Variants in ZNF547 observed in about 807,000 individuals in gnomAD.
ZNF547 encodes the protein zinc finger protein 547.
In ZNF547, 4 loss-of-function variants were observed where a neutral mutation model predicts 7.7. The observed-to-expected ratio is 0.52, with a 90% confidence interval of 0.26 to 1.20. The LOEUF is 1.20. Ranked by LOEUF, ZNF547 falls within the 50% of genes most tolerant of loss-of-function variation. The pLI, the probability that ZNF547 is intolerant of heterozygous loss-of-function variation, is 0.14. For synonymous variants in ZNF547, 166 were observed against 166.2 expected, an observed-to-expected ratio of 1.00 and a Z score of 0.01; for missense variants, 449 against 485.8, an observed-to-expected ratio of 0.92 and a Z score of 0.71.
intron 1 of ZNF547, chr19:57,364,972 G>A (rs767881280): frequency 1.7e-5 from 27 of 1,612,932 alleles, no homozygotes; most frequent in Non-Finnish European, 2.2e-5. Context: ...TGCTGCTCTC[G>A]ACCTCGTAGA....
chr19:57,377,823 C>T lies in ZNF547; in HGVS notation c.847C>T (p.Leu283Phe), dbSNP rs940608483. ...CGKFFKCNSN[L>F]FRHYRIHTGK... ...GAAGTTCTTTAAGTGCAACTCAAAC[C>T]TCTTTAGGCATTACAGAATTCATAC... The change falls in exon 4 of 4, where the codon CTC becomes TTC. Residue 283 changes from leucine to phenylalanine, a missense_variant. By Grantham distance (22) the Leu-to-Phe change is conservative (BLOSUM62 0). Coordinates refer to ENST00000282282, the MANE Select transcript of ZNF547 (RefSeq NM_173631.4). The T allele has an allele frequency of 1.2e-6, 2 of 1,614,136 alleles. No homozygotes were observed. Among genetic ancestry groups the T allele is most frequent in the Non-Finnish European group, 1.7e-6 (2 of 1,180,030 alleles).
At chr19:57,367,009 C>T (rs151244116) in intron 1 of ZNF547, among the ~76,000 whole-genome samples, 1 of 152,332 alleles carries the variant, frequency 6.6e-6, no homozygotes, top group East Asian at 1.9e-4. Flanking sequence ...AGGCTGGGAG[C>T]AGTTCCAGGC....
intron 1 of ZNF547, chr19:57,365,464 A>G (rs757412277): frequency 1.9e-6 from 1 of 514,138 alleles, no homozygotes; most frequent in Non-Finnish European, 3.4e-6. Flanking sequence ...CTTGTGAACA[A>G]TGTTATTTAT....
chr19:57,368,769 A>T (rs533361536), intron 2 of ZNF547, among the ~76,000 whole-genome samples, 190 bp downstream of exon 2: 5 of 152,152 alleles, frequency 3.3e-5, no homozygotes, highest in African/African-American at 1.2e-4. Context: ...GATTGTTTTA[A>T]GTTTACTGTG....
chr19:57,378,530 C>A lies in ZNF547; in HGVS notation c.*345C>A, dbSNP rs1190759611. On this transcript the variant is annotated 3_prime_UTR_variant, in exon 4 of 4. Transcript: ENST00000282282. ...ACTAGTGAAAGTCTTCTGAGTACAG[C>A]AAATGTGTGACATTATTTTGCTACT... 2 of 435,610 alleles carry A rather than the reference C, an allele frequency of 4.6e-6. No homozygotes were observed. Among genetic ancestry groups the A allele is most frequent in the East Asian group, 6.1e-5 (1 of 16,304 alleles). The allele number at this position is 435,610 out of a possible 1,614,324, so 27.0% of individuals were successfully genotyped here.
intron 3 of ZNF547, 50 bp from the exon 4 acceptor site, chr19:57,377,078 T>C (rs772446130): frequency 6.5e-7 from 1 of 1,540,026 alleles, no homozygotes. Flanking sequence ...TGGGGTTGCC[T>C]CCGCTCATCA....
intron 3 of ZNF547, among the ~76,000 whole-genome samples, chr19:57,372,210 T>C (rs2088509310): frequency 6.6e-6 from 1 of 152,226 alleles, no homozygotes; most frequent in African/African-American, 2.4e-5. Context: ...CTGTGCTCTG[T>C]TGTTCCCTTG....
intron 3 of ZNF547, among the ~76,000 whole-genome samples, chr19:57,373,431 C>T (rs914500193): frequency 1.3e-5 from 2 of 150,330 alleles, no homozygotes; most frequent in South Asian, 4.2e-4. Context: ...TTATTCCACC[C>T]CGGCCCCCCC....
Position 57,369,899 on chromosome 19 carries a change from CTTT to C in ZNF547, c.24+1342_24+1344del, listed in dbSNP as rs61547238. Among the ~76,000 whole-genome samples the C allele has an allele frequency of 6.9e-3, 359 of 51,670 alleles. 4 individuals carry two copies. The highest frequency in any genetic ancestry group is 9.0e-3 in the Non-Finnish European group (269 of 29,896). 33.9% of individuals were successfully genotyped at this position (51,670 alleles called of 152,430 possible). A position where few individuals can be genotyped will look rare whatever the true frequency, so the allele number is the denominator to read the frequency against. On this transcript the variant is annotated intron_variant, in intron 2 of 3. Transcript: ENST00000282282. ...AAAGAAGTTTAATTGACTCACAGTT[CTTT>C]TTTTTTTTTTTTTTTTTTTTTGAGA...
intron 1 of ZNF547, among the ~76,000 whole-genome samples, chr19:57,366,875 G>A (rs1176498754): frequency 6.6e-6 from 1 of 152,194 alleles, no homozygotes; most frequent in Non-Finnish European, 1.5e-5. Flanking sequence ...AGTATACATA[G>A]CACTACTCAA....
At chr19:57,368,619 T>A (rs746118203) in intron 2 of ZNF547, 40 bp downstream of exon 2, 6 of 1,608,096 alleles carry the variant, frequency 3.7e-6, no homozygotes, top group Non-Finnish European at 5.1e-6. Flanking sequence ...ACCAGTTATC[T>A]CATAGATGGT....
Position 57,377,673 on chromosome 19 carries a change from A to G in ZNF547, c.697A>G (p.Ile233Val), listed in dbSNP as rs778020573. The change falls in exon 4 of 4, where the codon ATC (isoleucine) becomes GTC (valine). Residue 233 changes from isoleucine to valine, a missense_variant. Transcript: ENST00000282282. Reference protein sequence around the residue: ...CKSHLVRHQTIHSGERPYECS... With the variant: ...CKSHLVRHQTVHSGERPYECS... Reference sequence around the variant, plus strand: ...GTCTCACCTTGTTCGTCACCAGACAATCCACTCTGGAGAAAGGCCTTATGA... The same window carrying G: ...GTCTCACCTTGTTCGTCACCAGACAGTCCACTCTGGAGAAAGGCCTTATGA... 7.7e-5 allele frequency: 124 copies of G among 1,611,128 alleles called. No individual in the cohort carries two copies. Among genetic ancestry groups the G allele is most frequent in the Non-Finnish European group, 1.0e-4 (118 of 1,178,338 alleles).
intron 1 of ZNF547, chr19:57,365,467 T>TG: frequency 1.9e-6 from 1 of 515,354 alleles, no homozygotes; most frequent in South Asian, 3.4e-5. Flanking sequence ...GTGAACAATG[T>TG]TATTTATAAA....
intron 2 of ZNF547, among the ~76,000 whole-genome samples, chr19:57,370,012 C>A (rs567899532): frequency 7.1e-6 from 1 of 141,330 alleles, no homozygotes; most frequent in East Asian, 2.2e-4. Context: ...TCTGCCTCAG[C>A]CTCCTGAATA....
intron 1 of ZNF547, among the ~76,000 whole-genome samples, chr19:57,367,160 A>C (rs1428140930): frequency 6.6e-6 from 1 of 152,214 alleles, no homozygotes; most frequent in Non-Finnish European, 1.5e-5. Context: ...GGATTACATT[A>C]ACATTTGTAC....
chr19:57,369,899 CTTTTTTTTTT>C (rs61547238), intron 2 of ZNF547, among the ~76,000 whole-genome samples: 41 of 51,678 alleles, frequency 7.9e-4, no homozygotes, highest in Non-Finnish European at 1.1e-3. Context: ...ACTCACAGTT[CTTTTTTTTTT>C]TTTTTTTTTT....
chr19:57,374,417 C>T (rs1490371787), intron 3 of ZNF547, among the ~76,000 whole-genome samples: 1 of 152,202 alleles, frequency 6.6e-6, no homozygotes, highest in African/African-American at 2.4e-5. Flanking sequence ...CCATTTTTCC[C>T]TCCTAGGCCT....
chr19:57,372,050 G>A (rs1467100615), intron 3 of ZNF547, 142 bp downstream of exon 3: 1 of 1,343,950 alleles, frequency 7.4e-7, no homozygotes, highest in Admixed American at 2.5e-5. Flanking sequence ...ATGAGAGTCA[G>A]GACTGCAATA....
At chr19:57,372,076 C>CT (rs1233884224) in intron 3 of ZNF547, among the ~76,000 whole-genome samples, 168 bp downstream of exon 3, 21 of 152,184 alleles carry the variant, frequency 1.4e-4, no homozygotes. Context: ...TGTGTGCTTC[C>CT]TTTTTCCTGG....
Sources: gnomAD v4.1 joint callset for allele counts (sites outside exome capture counted in the v4.1 genomes callset) on GRCh38, gnomAD v4.1.1 for gene constraint, MANE v1.5 for transcripts, NCBI Gene and HGNC (gene_info 2026-07-23, HGNC 2026-07-21) for gene names.